The following CTNNA3 variants were observed in gnomAD, a reference collection of about 807,000 sequenced individuals.
CTNNA3 encodes the protein catenin alpha-3.
Under a neutral mutation model 95.7 loss-of-function variants are expected in CTNNA3, and 76 were observed. That is an observed-to-expected ratio of 0.79 (90% CI 0.66 to 0.96). The LOEUF is 0.96. CTNNA3 is among the 40% of genes least tolerant of loss of function. The pLI, the probability that CTNNA3 is intolerant of heterozygous loss-of-function variation, is 0.00. For missense variants in CTNNA3, 1,191 were observed against 1,089.8 expected, an observed-to-expected ratio of 1.09 and a Z score of -1.31; for synonymous variants, 431 against 374.4, an observed-to-expected ratio of 1.15 and a Z score of -1.74.
chr10:66,030,463 T>G (rs1019982312), intron 15 of CTNNA3, among the ~76,000 whole-genome samples: 1 of 152,124 alleles, frequency 6.6e-6, no homozygotes. Flanking sequence ...GGGGAAAGGA[T>G]TCCCTATTCA....
intron 1 of CTNNA3, among the ~76,000 whole-genome samples, chr10:67,762,383 CAA>C (rs528181955): frequency 0.013 from 1,797 of 136,974 alleles, 44 homozygotes; most frequent in African/African-American, 0.045. Flanking sequence ...CTCCCCCCCC[CAA>C]AAAAAAAAAA....
At chr10:66,371,361 C>T (rs1165328368) in intron 12 of CTNNA3, among the ~76,000 whole-genome samples, 2 of 152,138 alleles carry the variant, frequency 1.3e-5, no homozygotes, top group Non-Finnish European at 2.9e-5. Flanking sequence ...ATCATATTCA[C>T]ATCATATATT....
At chr10:66,734,673 C>T (rs1849073293) in intron 9 of CTNNA3, among the ~76,000 whole-genome samples, 1 of 151,922 alleles carries the variant, frequency 6.6e-6, no homozygotes, top group Non-Finnish European at 1.5e-5. Context: ...ACCAGCCTGG[C>T]CAACATGGTG....
At chr10:67,416,334 G>T (rs1407580513) in intron 5 of CTNNA3, among the ~76,000 whole-genome samples, 1 of 129,264 alleles carries the variant, frequency 7.7e-6, no homozygotes, top group Non-Finnish European at 1.6e-5. Context: ...ATGACCAGGC[G>T]TGGTGGCTCA....
intron 7 of CTNNA3, among the ~76,000 whole-genome samples, chr10:66,891,109 A>C (rs935872042): frequency 6.6e-6 from 1 of 152,222 alleles, no homozygotes; most frequent in Admixed American, 6.5e-5. Context: ...CCAGATAAGA[A>C]TAATTCTGGT....
At chr10:67,304,578 T>C (rs998839536) in intron 5 of CTNNA3, among the ~76,000 whole-genome samples, 2 of 152,150 alleles carry the variant, frequency 1.3e-5, no homozygotes, top group African/African-American at 4.8e-5. Flanking sequence ...AAGAAATCTA[T>C]TTACAACTAT....
intron 5 of CTNNA3, among the ~76,000 whole-genome samples, chr10:67,331,479 A>T (rs991196048): frequency 5.3e-5 from 8 of 151,490 alleles, no homozygotes; most frequent in Admixed American, 3.3e-4. Flanking sequence ...TTGTCTAGTC[A>T]TAGTATTGTG....
chr10:66,429,734 G>A (rs1011844703), intron 11 of CTNNA3, among the ~76,000 whole-genome samples: 31 of 152,100 alleles, frequency 2.0e-4, no homozygotes, highest in Admixed American at 6.6e-4. Flanking sequence ...AATAAATTAC[G>A]TATTGATGGG....
chr10:67,314,298 T>C (rs1246248062), intron 5 of CTNNA3, among the ~76,000 whole-genome samples: 1 of 152,200 alleles, frequency 6.6e-6, no homozygotes, highest in African/African-American at 2.4e-5. Flanking sequence ...CGCATGACTA[T>C]CTATAAAACT....
intron 6 of CTNNA3, among the ~76,000 whole-genome samples, chr10:67,218,619 C>T (rs921435681): frequency 6.6e-6 from 1 of 152,190 alleles, no homozygotes; most frequent in Admixed American, 6.5e-5. Flanking sequence ...ACCCAGCCTA[C>T]AACACTAGCC....
intron 5 of CTNNA3, among the ~76,000 whole-genome samples, chr10:67,229,753 G>A (rs1865101625): frequency 6.6e-6 from 1 of 151,992 alleles, no homozygotes; most frequent in Admixed American, 6.6e-5. Context: ...AAATACCTAG[G>A]AATATACCTA....
At chr10:66,835,999 CAATTA>C (rs1842872425) in intron 7 of CTNNA3, among the ~76,000 whole-genome samples, 1 of 151,762 alleles carries the variant, frequency 6.6e-6, no homozygotes, top group African/African-American at 2.4e-5. Context: ...AAAAAAAAAA[CAATTA>C]AATTAATTTT....
At position 66,451,363 on chromosome 10, in the gene CTNNA3, G is replaced by A. The variant is rs189432788; in HGVS notation, c.1531+69254C>T. Reference sequence around the variant, plus strand: ...TTATTATAATTATCCCCATTTTATGGATAAGGAGAGCTGGGATACAGAGAT... The same window carrying A: ...TTATTATAATTATCCCCATTTTATGAATAAGGAGAGCTGGGATACAGAGAT... On this transcript the variant is annotated intron_variant, in intron 11 of 17. Transcript: ENST00000433211. 2.7e-4 allele frequency among the ~76,000 whole-genome samples: 41 copies of A among 152,124 alleles called. No individual in the cohort carries two copies. In the East Asian group the frequency reaches 7.7e-3, roughly 29 times the overall value.
At chr10:66,123,085 A>C (rs1487740241) in intron 13 of CTNNA3, among the ~76,000 whole-genome samples, 2 of 152,212 alleles carry the variant, frequency 1.3e-5, no homozygotes, top group East Asian at 3.9e-4. Flanking sequence ...AACTCATTTC[A>C]GCATGACTCA....
chr10:66,549,298 C>T, intron 10 of CTNNA3, among the ~76,000 whole-genome samples: 1 of 152,070 alleles, frequency 6.6e-6, no homozygotes, highest in East Asian at 1.9e-4. Context: ...GCCCGGCCGC[C>T]TTTCTTCTTT....
intron 13 of CTNNA3, among the ~76,000 whole-genome samples, chr10:66,269,347 T>A (rs904419097): frequency 2.6e-5 from 4 of 152,196 alleles, no homozygotes; most frequent in Non-Finnish European, 4.4e-5. Context: ...AAATGCATTG[T>A]CAATGTGAGT....
intron 12 of CTNNA3, among the ~76,000 whole-genome samples, chr10:66,342,107 T>C (rs2092460079): frequency 6.6e-6 from 1 of 152,010 alleles, no homozygotes; most frequent in Admixed American, 6.6e-5. Context: ...TTCTAATTCT[T>C]AGTTGCATGT....
intron 2 of CTNNA3, among the ~76,000 whole-genome samples, chr10:67,632,745 GA>G (rs1166853454): frequency 6.6e-6 from 1 of 152,124 alleles, no homozygotes; most frequent in African/African-American, 2.4e-5. Context: ...GAACTGTGTA[GA>G]ATGTTGGCAA....
At chr10:67,160,607 T>A (rs1270672264) in intron 7 of CTNNA3, among the ~76,000 whole-genome samples, 2 of 152,004 alleles carry the variant, frequency 1.3e-5, no homozygotes, top group South Asian at 2.1e-4. Flanking sequence ...CAGTTAATTT[T>A]TATATTTTTT....
Sources: gnomAD v4.1 joint callset for allele counts (sites outside exome capture counted in the v4.1 genomes callset) on GRCh38, gnomAD v4.1.1 for gene constraint, MANE v1.5 for transcripts, NCBI Gene and HGNC (gene_info 2026-07-23, HGNC 2026-07-21) for gene names.